Variants in CPNE8 observed in about 807,000 individuals in gnomAD.
CPNE8 encodes copine 8.
Under a neutral mutation model 81.5 loss-of-function variants are expected in CPNE8, and 45 were observed. The observed-to-expected ratio is 0.55, with a 90% CI of 0.44 to 0.71. The LOEUF (loss-of-function observed/expected upper bound fraction) is 0.71. Among genes scored for constraint, CPNE8 ranks in the 30% least tolerant of loss-of-function variants. CPNE8 has a pLI of 0.00. For missense variants in CPNE8, 594 were observed against 672.1 expected (o/e 0.88, Z 1.28); for synonymous variants, 252 against 226.3 (o/e 1.11, Z -1.02).
intron 16 of CPNE8, among the ~76,000 whole-genome samples, chr12:38,678,998 A>G (rs1324165521): frequency 6.6e-6 from 1 of 151,906 alleles, no homozygotes; most frequent in Non-Finnish European, 1.5e-5. Context: ...TTTAAAGAAA[A>G]GAAGTCTAAC....
At chr12:38,760,364 T>A (rs1250112177) in intron 10 of CPNE8, among the ~76,000 whole-genome samples, 2 of 150,920 alleles carry the variant, frequency 1.3e-5, no homozygotes, top group Non-Finnish European at 2.9e-5. Context: ...ACTACAGTGA[T>A]TGCAGAGCTC....
At position 38,707,603 on chromosome 12, in the gene CPNE8, G is replaced by A. The variant is rs181642848; in HGVS notation, c.915-4682C>T. 2.8e-4 allele frequency among the ~76,000 whole-genome samples: 43 copies of A among 152,238 alleles called. No homozygotes were observed. The South Asian group carries it at 8.7e-3, about 31-fold the overall frequency. ...ACTAAATGATAAATAAGACCATTTG[G>A]TAATTATGGTGCAACAGAGACACTC... On this transcript the variant is annotated intron_variant, in intron 13 of 19. Coordinates refer to ENST00000331366, the MANE Select transcript of CPNE8 (RefSeq NM_153634.3).
rs140217840 is a variant in CPNE8 at position 38,853,710 on chromosome 12, A to T, written c.187-5048T>A. Among the ~76,000 whole-genome samples the T allele has an allele frequency of 9.5e-3, 1,441 of 152,266 alleles. 19 individuals carry two copies. The highest frequency in any genetic ancestry group is 0.039 in the South Asian group (186 of 4,820). On this transcript the variant is annotated intron_variant, in intron 3 of 19. Transcript: ENST00000331366. ...TTGTTTTATGCTTGAGCTAATTGGAAAAATAGCTACTTTTCCAATTTAGGA... is the reference window on the plus strand; with the variant it reads ...TTGTTTTATGCTTGAGCTAATTGGATAAATAGCTACTTTTCCAATTTAGGA...
At chr12:38,742,711 T>TAAAA (rs59403727) in intron 10 of CPNE8, among the ~76,000 whole-genome samples, 51,033 of 145,304 alleles carry the variant, frequency 0.35, 10,898 homozygotes, top group Non-Finnish European at 0.46. Context: ...AATAAATAAA[T>TAAAA]ATAAAACATA....
intron 10 of CPNE8, among the ~76,000 whole-genome samples, chr12:38,732,569 T>C (rs550766282): frequency 1.2e-4 from 19 of 152,096 alleles, no homozygotes; most frequent in African/African-American, 4.3e-4. Context: ...ATATTTTCTG[T>C]TCTGAAAGGA....
chr12:38,833,477 A>G (rs1261803020), intron 5 of CPNE8, among the ~76,000 whole-genome samples: 1 of 87,760 alleles, frequency 1.1e-5, no homozygotes, highest in African/African-American at 4.3e-5. Flanking sequence ...ACTGAAATTA[A>G]CCTTTTTTTT....
At chr12:38,788,759 A>G (rs1942257698) in intron 6 of CPNE8, among the ~76,000 whole-genome samples, 1 of 151,808 alleles carries the variant, frequency 6.6e-6, no homozygotes, top group Non-Finnish European at 1.5e-5. Flanking sequence ...ATAATTCAGT[A>G]AATTGAAGGA....
intron 1 of CPNE8, among the ~76,000 whole-genome samples, chr12:38,880,169 T>C (rs1300875535): frequency 3.3e-5 from 5 of 152,250 alleles, no homozygotes; most frequent in Admixed American, 3.3e-4. Flanking sequence ...TGAATCATAA[T>C]GTCCCCTGCA....
chr12:38,848,952 T>C (rs1943598942), intron 3 of CPNE8, among the ~76,000 whole-genome samples: 1 of 152,154 alleles, frequency 6.6e-6, no homozygotes, highest in African/African-American at 2.4e-5. Flanking sequence ...AAGAAGTTAT[T>C]TCTACCTAAA....
chr12:38,708,524 T>C (rs762639127), intron 13 of CPNE8, among the ~76,000 whole-genome samples: 8 of 152,212 alleles, frequency 5.3e-5, no homozygotes, highest in Non-Finnish European at 1.0e-4. Context: ...AAGGATTTCA[T>C]AAAATCCAGT....
intron 10 of CPNE8, among the ~76,000 whole-genome samples, chr12:38,757,529 G>A (rs1011011687): frequency 1.3e-5 from 2 of 151,708 alleles, no homozygotes; most frequent in Admixed American, 1.3e-4. Context: ...AGACTAATGC[G>A]CCTTTCAAAT....
rs1315217758 is a variant in CPNE8, at chr12:38,680,258, G to A, written c.1272-2704C>T. Among the ~76,000 whole-genome samples, 3 of 151,896 alleles carry A rather than the reference G, an allele frequency of 2.0e-5. No homozygotes were observed. In the East Asian group the frequency reaches 5.8e-4, roughly 29 times the overall value. On this transcript the variant is annotated intron_variant, in intron 16 of 19. Transcript: ENST00000331366. ...TATTATTAGTTCACAAGAATAGAGA[G>A]GGCAAGAATATAAGATAAGAAACTG...
At chr12:38,711,899 C>A (rs891496009) in intron 13 of CPNE8, among the ~76,000 whole-genome samples, 2 of 151,938 alleles carry the variant, frequency 1.3e-5, no homozygotes, top group African/African-American at 4.8e-5. Flanking sequence ...GATAATGTTC[C>A]ATGTGAAAAT....
At chr12:38,807,895 C>A (rs528561411) in intron 6 of CPNE8, among the ~76,000 whole-genome samples, 2,081 of 151,746 alleles carry the variant, frequency 0.014, 22 homozygotes, top group Non-Finnish European at 0.023. Flanking sequence ...TGAACTCCAA[C>A]AAATTTACAA....
intron 5 of CPNE8, among the ~76,000 whole-genome samples, 171 bp from the exon 6 acceptor site, chr12:38,829,626 CAT>C (rs984713672): frequency 1.3e-5 from 2 of 152,198 alleles, no homozygotes; most frequent in African/African-American, 4.8e-5. Flanking sequence ...GTGACTTTCA[CAT>C]GTTTGCACAG....
chr12:38,654,860 GT>G (rs1938783326), intron 19 of CPNE8, among the ~76,000 whole-genome samples: 1 of 152,026 alleles, frequency 6.6e-6, no homozygotes, highest in African/African-American at 2.4e-5. Flanking sequence ...AAATATAATA[GT>G]GTACATTGTT....
At chr12:38,813,211 G>A (rs1942966903) in intron 6 of CPNE8, among the ~76,000 whole-genome samples, 1 of 152,170 alleles carries the variant, frequency 6.6e-6, no homozygotes, top group Non-Finnish European at 1.5e-5. Context: ...ACAATTAGGA[G>A]CTGCTATACA....
chr12:38,900,183 G>A (rs1944439984), intron 1 of CPNE8, among the ~76,000 whole-genome samples: 1 of 149,958 alleles, frequency 6.7e-6, no homozygotes. Context: ...AGTAGGGTGG[G>A]TTTTACTAAC....
chr12:38,748,523 C>T (rs925257757), intron 10 of CPNE8, among the ~76,000 whole-genome samples: 14 of 150,678 alleles, frequency 9.3e-5, no homozygotes, highest in Non-Finnish European at 1.5e-4. Flanking sequence ...TTTTCTGAGA[C>T]GGAGTCTCGC....
Sources: gnomAD v4.1 joint callset for allele counts (sites outside exome capture counted in the v4.1 genomes callset) on GRCh38, gnomAD v4.1.1 for gene constraint, MANE v1.5 for transcripts, NCBI Gene and HGNC (gene_info 2026-07-23, HGNC 2026-07-21) for gene names.